Variants in PRPF18 observed in about 807,000 individuals in gnomAD.
PRPF18 encodes the protein pre-mRNA-splicing factor 18.
In PRPF18, 38 loss-of-function variants were observed where a neutral mutation model predicts 46.5. The ratio of observed to expected loss-of-function variants is 0.82; its 90% confidence interval spans 0.63 to 1.07. The LOEUF (loss-of-function observed/expected upper bound fraction) is 1.07, where lower values mean the gene tolerates loss of function less well. PRPF18 is among the 50% of genes least tolerant of loss of function. The pLI is 0.00. For synonymous variants in PRPF18, 152 were observed against 146.7 expected (o/e 1.04, Z -0.26); for missense variants, 263 against 410.0 (o/e 0.64, Z 3.10).
intron 4 of PRPF18, 147 bp from the exon 5 acceptor site, chr10:13,609,892 T>G (rs968587138): frequency 1.4e-6 from 1 of 739,602 alleles, no homozygotes; most frequent in African/African-American, 1.8e-5. Context: ...AGTTGTGTGA[T>G]AAATTGATGT....
the PRPF18 span, chr10:13,644,736 G>A: frequency 6.6e-6 from 1 of 151,710 alleles, no homozygotes; most frequent in Non-Finnish European, 1.5e-5. Flanking sequence ...GACTATCCAT[G>A]AATCTTCTTT....
At chr10:13,651,418 T>C in the PRPF18 span, 1 of 154,406 alleles carries the variant, frequency 6.5e-6, no homozygotes, top group African/African-American at 2.4e-5. Flanking sequence ...TGAATGTAGA[T>C]AGAACATGGT....
intron 6 of PRPF18, among the ~76,000 whole-genome samples, chr10:13,612,468 A>G (rs1387790218): frequency 2.6e-5 from 4 of 151,542 alleles, no homozygotes; most frequent in African/African-American, 9.7e-5. Flanking sequence ...TTTTTAGTAA[A>G]GAGACAGGTT....
intron 9 of PRPF18, among the ~76,000 whole-genome samples, chr10:13,625,385 T>G (rs1468112754): frequency 1.3e-5 from 2 of 152,140 alleles, no homozygotes; most frequent in Admixed American, 1.3e-4. Flanking sequence ...TAAAAAAGTT[T>G]GAGAATCAAA....
At chr10:13,623,132 C>T (rs944866746) in intron 9 of PRPF18, among the ~76,000 whole-genome samples, 11 of 151,840 alleles carry the variant, frequency 7.2e-5, no homozygotes, top group Non-Finnish European at 1.6e-4. Context: ...ACCCTGGAGG[C>T]GGAGGTTGCA....
At chr10:13,641,566 C>G in the PRPF18 span, 2 of 152,106 alleles carry the variant, frequency 1.3e-5, no homozygotes, top group Admixed American at 6.6e-5. Context: ...GGACTGAGCC[C>G]GGGGACACCA....
chr10:13,618,669 G>T (rs1306632047), intron 9 of PRPF18, among the ~76,000 whole-genome samples: 9 of 147,220 alleles, frequency 6.1e-5, no homozygotes, highest in Non-Finnish European at 3.0e-5. Context: ...TAAATTTAGT[G>T]TAATAAAATT....
At chr10:13,588,278 G>A (rs1331431158) in intron 1 of PRPF18, among the ~76,000 whole-genome samples, 1 of 152,082 alleles carries the variant, frequency 6.6e-6, no homozygotes, top group African/African-American at 2.4e-5. Flanking sequence ...GTGGTGGTGC[G>A]CGCCTGTAAT....
intron 1 of PRPF18, among the ~76,000 whole-genome samples, chr10:13,587,949 T>C (rs1018192826): frequency 2.6e-5 from 4 of 152,148 alleles, no homozygotes; most frequent in Non-Finnish European, 5.9e-5. Context: ...GGTGTGGGAA[T>C]TGCAGGAAAA....
intron 9 of PRPF18, among the ~76,000 whole-genome samples, chr10:13,627,476 C>T (rs2080525430): frequency 6.6e-6 from 1 of 152,200 alleles, no homozygotes; most frequent in African/African-American, 2.4e-5. Flanking sequence ...CTAAGCAGCT[C>T]ATTGTTTTAC....
intron 8 of PRPF18, 44 bp from the exon 9 acceptor site, chr10:13,616,354 C>G (rs751749025): frequency 1.3e-6 from 2 of 1,544,058 alleles, no homozygotes; most frequent in Non-Finnish European, 8.9e-7. Context: ...TGAGCCAGTA[C>G]AACATTTTCG....
chr10:13,613,854 A>G lies in PRPF18; in HGVS notation c.693A>G (p.Arg231=). 6.2e-7 allele frequency: 1 copy of G among 1,611,702 alleles called. No individual in the cohort carries two copies. The highest frequency in any genetic ancestry group is 1.1e-5 in the South Asian group (1 of 90,208). ...AGAAACAGACCGAGTCCTACCTAAG[A>G]CCACTTTTTAGAAAGCTACGGAAAA... is the stretch of plus-strand genomic sequence containing the variant. ...ATQKQTESYL[R]PLFRKLRKRN... The change falls in exon 7 of 10, where the codon AGA becomes AGG. Residue 231 remains arginine, a synonymous_variant. Coordinates refer to ENST00000378572, the MANE Select transcript of PRPF18 (RefSeq NM_003675.4).
the PRPF18 span, chr10:13,649,252 T>C: frequency 6.6e-6 from 1 of 152,230 alleles, no homozygotes; most frequent in African/African-American, 2.4e-5. Context: ...TCATAAAGGC[T>C]CAAGAAAGAC....
At chr10:13,597,706 C>T in intron 2 of PRPF18, 171 bp downstream of exon 2, 1 of 1,558,914 alleles carries the variant, frequency 6.4e-7, no homozygotes. Flanking sequence ...TTAAAAAAAT[C>T]TTGAATTCAG....
chr10:13,628,886 G>C (rs577400172), intron 9 of PRPF18, among the ~76,000 whole-genome samples: 1 of 152,180 alleles, frequency 6.6e-6, no homozygotes, highest in South Asian at 2.1e-4. Context: ...GAGCTCAATC[G>C]TGGTGTGTCT....
intron 9 of PRPF18, among the ~76,000 whole-genome samples, 194 bp downstream of exon 9, chr10:13,616,747 A>G (rs2080346954): frequency 6.6e-6 from 1 of 152,188 alleles, no homozygotes; most frequent in Non-Finnish European, 1.5e-5. Flanking sequence ...ACTTTCATAT[A>G]TGTTGGAAGA....
chr10:13,646,391 A>AACTT, the PRPF18 span: 1 of 152,552 alleles, frequency 6.6e-6, no homozygotes, highest in African/African-American at 2.4e-5. Flanking sequence ...TGGTGTCGAG[A>AACTT]ACTTCCTTTC....
At position 13,596,302 on chromosome 10, in the gene PRPF18, C is replaced by T. The variant is rs1045152165; in HGVS notation, c.67-1156C>T. Among the ~76,000 whole-genome samples the T allele has an allele frequency of 7.2e-5, 11 of 152,192 alleles. No homozygotes were observed. In the East Asian group the frequency reaches 9.6e-4, roughly 13 times the overall value. ...ACATTTAACAAGGATACTTCGTAGA[C>T]GATGGCTGGGTAATTCCTGTAGTAT... On this transcript the variant is annotated intron_variant, in intron 1 of 9. Transcript: ENST00000378572.
At chr10:13,646,962 C>A in the PRPF18 span, 3 of 983,834 alleles carry the variant, frequency 3.0e-6, no homozygotes, top group Non-Finnish European at 2.4e-6. Flanking sequence ...TTGGCTTTTT[C>A]CTGCCCGTAC....
Sources: allele counts gnomAD v4.1 joint callset (sites outside exome capture counted in the v4.1 genomes callset), GRCh38; gene constraint gnomAD v4.1.1; transcripts MANE v1.5; gene names NCBI Gene and HGNC (gene_info 2026-07-23, HGNC 2026-07-21).